SPATA3: variants seen among roughly 807,000 people sequenced by gnomAD.
SPATA3 encodes the protein spermatogenesis-associated protein 3.
In SPATA3, 6 loss-of-function variants were observed where a neutral mutation model predicts 5.7. The ratio of observed to expected loss-of-function variants is 1.06; its 90% CI spans 0.58 to 2.09. SPATA3 has a LOEUF of 2.09. SPATA3 is among the 30% of genes most tolerant of loss of function. The pLI is 0.00. For missense variants in SPATA3, 155 were observed against 130.4 expected (o/e 1.19, Z -0.92); for synonymous variants, 44 against 48.4 (o/e 0.91, Z 0.37).
chr2:231,009,702 G>A (rs1031656678), downstream of SPATA3, among the ~76,000 whole-genome samples: 1 of 152,348 alleles, frequency 6.6e-6, no homozygotes, highest in Middle Eastern at 3.4e-3. Flanking sequence ...TCTTCATCCT[G>A]CCGAGTGCAG....
downstream of SPATA3, chr2:231,002,871 A>C (rs1259095525): frequency 1.1e-6 from 1 of 891,528 alleles, no homozygotes; most frequent in Non-Finnish European, 1.6e-6. Context: ...TGGTCTCTTC[A>C]GGTGGACCAA....
At chr2:231,015,946 G>C (rs1317460474) in intron 6 of SPATA3, among the ~76,000 whole-genome samples, 1 of 152,224 alleles carries the variant, frequency 6.6e-6, no homozygotes, top group Non-Finnish European at 1.5e-5. Flanking sequence ...AATAACATTT[G>C]CATTTCAAGG....
At chr2:231,005,787 C>A (rs986171266), downstream of SPATA3, among the ~76,000 whole-genome samples, 2 of 152,128 alleles carry the variant, frequency 1.3e-5, no homozygotes, top group Non-Finnish European at 2.9e-5. Flanking sequence ...TCATGATAAT[C>A]ATTACCATTT....
At chr2:231,019,578 C>A (rs1319746614) in intron 6 of SPATA3, 1 of 151,264 alleles carries the variant, frequency 6.6e-6, no homozygotes, top group Non-Finnish European at 1.5e-5. Flanking sequence ...CCCACCTCGG[C>A]CTCCCAGAGT....
At chr2:231,000,440 C>G in exon 2 of SPATA3, 1 of 1,549,398 alleles carries the variant, frequency 6.5e-7, no homozygotes, top group Non-Finnish European at 8.7e-7. Flanking sequence ...CTGGCGTCGT[C>G]TGGGGCTATG....
At chr2:231,006,345 CA>C (rs369604434), downstream of SPATA3, among the ~76,000 whole-genome samples, 3 of 148,934 alleles carry the variant, frequency 2.0e-5, no homozygotes, top group Admixed American at 6.7e-5. Flanking sequence ...ACTAAAAATA[CA>C]AAAAAAAATA....
downstream of SPATA3, among the ~76,000 whole-genome samples, chr2:231,005,825 T>C (rs1692603741): frequency 6.6e-6 from 1 of 152,154 alleles, no homozygotes; most frequent in Non-Finnish European, 1.5e-5. Context: ...CTAATTTTAC[T>C]GACTTTTGAT....
downstream of SPATA3, chr2:231,002,887 G>A (rs916100394): frequency 2.3e-5 from 17 of 729,400 alleles, no homozygotes; most frequent in African/African-American, 1.5e-4. Context: ...ACCAAGCCCC[G>A]GCCTCTCAAG....
At chr2:231,002,710 A>G in exon 3 of SPATA3, 1 of 1,525,070 alleles carries the variant, frequency 6.6e-7, no homozygotes, top group South Asian at 1.3e-5. Flanking sequence ...CCCTCCAGTC[A>G]TCGTAACGCG....
chr2:231,012,567 G>C (rs1692815966), intron 4 of SPATA3: 1 of 152,164 alleles, frequency 6.6e-6, no homozygotes. Flanking sequence ...TTCTAATGGG[G>C]CTCCATTCTG....
In SPATA3 at chr2:231,016,236, A is replaced by T. The variant is rs144641594; in HGVS notation, c.*565+2024A>T. On this transcript the variant is annotated intron_variant, in intron 6 of 8. Transcript: ENST00000452881. ...AGTCAATTCCACCCCCATTCCAGGG[A>T]CCCTGGGCCTGCCTGTTCCCTTCCC... Among the ~76,000 whole-genome samples, 18 of 152,198 alleles carry T rather than the reference A, an allele frequency of 1.2e-4. No individual in the cohort carries two copies. In the East Asian group the frequency reaches 3.5e-3, roughly 29 times the overall value.
At chr2:231,002,944 G>A (rs80138160), downstream of SPATA3, 844 of 447,134 alleles carry the variant, frequency 1.9e-3, 9 homozygotes, top group African/African-American at 0.015. Flanking sequence ...AGGGTCAGCC[G>A]GCATGGCCCT....
chr2:231,000,746 G>A (rs1054606573), intron 2 of SPATA3, among the ~76,000 whole-genome samples: 7 of 152,170 alleles, frequency 4.6e-5, no homozygotes, highest in Admixed American at 1.3e-4. Context: ...TACCCACCCC[G>A]CCTGTACAGA....
chr2:230,999,567 C>G (rs1692266792), intron 1 of SPATA3: 1 of 154,154 alleles, frequency 6.5e-6, no homozygotes, highest in Non-Finnish European at 1.5e-5. Context: ...GTAGCTCTGT[C>G]AAGAAGACGC....
At chr2:231,019,342 G>A (rs1235310609) in intron 6 of SPATA3, among the ~76,000 whole-genome samples, 1 of 130,834 alleles carries the variant, frequency 7.6e-6, no homozygotes, top group African/African-American at 2.9e-5. Context: ...TTTTTTTTTT[G>A]AGACAGAGTC....
chr2:230,997,453 G>A (rs1044629436), intron 1 of SPATA3, among the ~76,000 whole-genome samples: 1 of 152,160 alleles, frequency 6.6e-6, no homozygotes, highest in Non-Finnish European at 1.5e-5. Flanking sequence ...GACAAATACA[G>A]GCCCATGGAT....
chr2:231,004,118 G>A (rs1236642652), downstream of SPATA3: 1 of 152,198 alleles, frequency 6.6e-6, no homozygotes, highest in African/African-American at 2.4e-5. Context: ...AAGTCCAGAA[G>A]GTAAACTCCA....
intron 6 of SPATA3, among the ~76,000 whole-genome samples, chr2:231,018,576 A>G (rs1001450031): frequency 2.0e-5 from 3 of 152,178 alleles, no homozygotes; most frequent in African/African-American, 7.2e-5. Flanking sequence ...CATTTATTTC[A>G]GCAGACTTAA....
downstream of SPATA3, among the ~76,000 whole-genome samples, chr2:231,005,890 A>C (rs1477271496): frequency 1.3e-5 from 2 of 151,902 alleles, no homozygotes; most frequent in Non-Finnish European, 2.9e-5. Context: ...TTGGCTGGGA[A>C]TAGTGGCTCA....
Sources: allele counts gnomAD v4.1 joint callset (sites outside exome capture counted in the v4.1 genomes callset), GRCh38; gene constraint gnomAD v4.1.1; transcripts MANE v1.5; gene names NCBI Gene and HGNC (gene_info 2026-07-23, HGNC 2026-07-21).